The following SNRPN variants were observed in gnomAD, a reference collection of about 807,000 sequenced individuals.
SNRPN encodes the protein small nuclear ribonucleoprotein polypeptide N.
A neutral mutation model predicts 25.2 loss-of-function variants in SNRPN; 7 were observed. The ratio of observed to expected loss-of-function variants is 0.28; its 90% confidence interval spans 0.16 to 0.52. The LOEUF (loss-of-function observed/expected upper bound fraction) is 0.52. SNRPN is among the 20% of genes least tolerant of loss of function. SNRPN has a pLI of 0.96. For synonymous variants in SNRPN, 124 were observed against 110.6 expected, an observed-to-expected ratio of 1.12 and a Z score of -0.76; for missense variants, 196 against 322.5, an observed-to-expected ratio of 0.61 and a Z score of 3.00.
At chr15:24,840,904 C>T (rs1192917776) in intron 2 of SNRPN, among the ~76,000 whole-genome samples, 2 of 152,090 alleles carry the variant, frequency 1.3e-5, no homozygotes, top group African/African-American at 2.4e-5. Context: ...TGACCTGGTG[C>T]GATCTTGGCT....
At chr15:24,834,751 C>CTCTATATATATATATA in intron 2 of SNRPN, among the ~76,000 whole-genome samples, 13 of 60,948 alleles carry the variant, frequency 2.1e-4, no homozygotes, top group Non-Finnish European at 3.3e-4. Flanking sequence ...CTCTCTCTCT[C>CTCTATATATATATATA]TATATATATA....
At chr15:24,894,962 G>C (rs1220797691) in intron 2 of SNRPN, among the ~76,000 whole-genome samples, 1 of 152,156 alleles carries the variant, frequency 6.6e-6, no homozygotes, top group East Asian at 1.9e-4. Flanking sequence ...TGTAACATGA[G>C]TCTTCATAAG....
At chr15:24,955,772 C>CG (rs1241340290) in intron 1 of SNRPN, among the ~76,000 whole-genome samples, 1 of 150,346 alleles carries the variant, frequency 6.7e-6, no homozygotes, top group African/African-American at 2.5e-5. Flanking sequence ...GTATTGGCGG[C>CG]GGTGGGCATT....
intron 3 of SNRPN, among the ~76,000 whole-genome samples, chr15:24,925,556 T>C (rs1218911157): frequency 1.3e-5 from 2 of 152,156 alleles, no homozygotes; most frequent in Non-Finnish European, 2.9e-5. Context: ...CATGAAGCTT[T>C]CAAAACTGCT....
intron 3 of SNRPN, among the ~76,000 whole-genome samples, chr15:24,922,313 A>G (rs1287995302): frequency 6.6e-6 from 1 of 152,224 alleles, no homozygotes; most frequent in Non-Finnish European, 1.5e-5. Context: ...GGCATTCACA[A>G]TCCAGATCCT....
chr15:24,963,882 A>G (rs1174652931), intron 2 of SNRPN, among the ~76,000 whole-genome samples: 1 of 151,976 alleles, frequency 6.6e-6, no homozygotes, highest in Non-Finnish European at 1.5e-5. Context: ...AGAAAAATAA[A>G]TTAGCCAGGC....
intron 3 of SNRPN, among the ~76,000 whole-genome samples, chr15:24,936,550 A>G (rs2061247721): frequency 6.6e-6 from 1 of 152,184 alleles, no homozygotes; most frequent in African/African-American, 2.4e-5. Flanking sequence ...TAAAGAAAAG[A>G]GGTTTAATTG....
At chr15:24,887,044 A>T (rs146838632) in intron 2 of SNRPN, among the ~76,000 whole-genome samples, 1 of 152,048 alleles carries the variant, frequency 6.6e-6, no homozygotes, top group Non-Finnish European at 1.5e-5. Context: ...TGGCATAGTT[A>T]CTGACCCCTT....
intron 3 of SNRPN, among the ~76,000 whole-genome samples, chr15:24,948,806 T>C (rs2062040329): frequency 6.6e-6 from 1 of 151,990 alleles, no homozygotes; most frequent in African/African-American, 2.4e-5. Context: ...AAATATATAA[T>C]TCAGTGCTTT....
chr15:24,850,338 T>G (rs1348531349), intron 2 of SNRPN: 1 of 151,164 alleles, frequency 6.6e-6, no homozygotes, highest in Admixed American at 6.6e-5. Context: ...TGAGACGGAG[T>G]CTCTCTTTGT....
At chr15:24,835,373 C>G (rs1286874312) in intron 2 of SNRPN, among the ~76,000 whole-genome samples, 1 of 151,540 alleles carries the variant, frequency 6.6e-6, no homozygotes, top group South Asian at 2.1e-4. Flanking sequence ...TAATCAAATG[C>G]CTAAGAATTT....
intron 2 of SNRPN, among the ~76,000 whole-genome samples, chr15:24,901,033 G>T (rs920637044): frequency 5.9e-5 from 9 of 152,106 alleles, no homozygotes; most frequent in Non-Finnish European, 1.2e-4. Flanking sequence ...GAGGTTGAGG[G>T]TGCAGTGAGC....
At chr15:24,940,365 T>G (rs985464513) in intron 3 of SNRPN, among the ~76,000 whole-genome samples, 1 of 152,204 alleles carries the variant, frequency 6.6e-6, no homozygotes, top group African/African-American at 2.4e-5. Flanking sequence ...CTGATCCATT[T>G]CAAGTTCATT....
chr15:24,960,826 ATAGT>A (rs1343640339), intron 1 of SNRPN, among the ~76,000 whole-genome samples: 2 of 152,200 alleles, frequency 1.3e-5, no homozygotes, highest in Non-Finnish European at 2.9e-5. Flanking sequence ...AAAGCTGTAG[ATAGT>A]TAATGTTAAA....
intron 2 of SNRPN, among the ~76,000 whole-genome samples, chr15:24,893,715 C>T (rs60558726): frequency 2.0e-5 from 3 of 151,892 alleles, no homozygotes; most frequent in Admixed American, 6.6e-5. Context: ...AAAATGTACC[C>T]GTTACAAGTG....
chr15:24,925,942 G>C (rs1347088876), intron 3 of SNRPN, among the ~76,000 whole-genome samples: 3 of 152,088 alleles, frequency 2.0e-5, no homozygotes, highest in African/African-American at 7.2e-5. Flanking sequence ...CACTGTGTTA[G>C]GCAGGATGGT....
upstream of SNRPN, among the ~76,000 whole-genome samples, chr15:24,854,087 GT>G (rs2053150883): frequency 6.7e-6 from 1 of 150,150 alleles, no homozygotes; most frequent in Non-Finnish European, 1.5e-5. Flanking sequence ...TTATTTTGTT[GT>G]TCAAAATTTT....
chr15:24,852,714 C>T (rs2052982314), upstream of SNRPN, among the ~76,000 whole-genome samples: 1 of 152,104 alleles, frequency 6.6e-6, no homozygotes, highest in African/African-American at 2.4e-5. Context: ...TCCAGCAATT[C>T]AGCAATTCAA....
intron 2 of SNRPN, among the ~76,000 whole-genome samples, chr15:24,908,233 A>T (rs2058979600): frequency 6.6e-6 from 1 of 152,136 alleles, no homozygotes; most frequent in African/African-American, 2.4e-5. Flanking sequence ...GCTTAGCGGC[A>T]CAACTGACTA....
Sources: allele counts gnomAD v4.1 joint callset (sites outside exome capture counted in the v4.1 genomes callset), GRCh38; gene constraint gnomAD v4.1.1; transcripts MANE v1.5; gene names NCBI Gene and HGNC (gene_info 2026-07-23, HGNC 2026-07-21).